The following PRSS3 variants were observed in gnomAD, a reference collection of about 807,000 sequenced individuals.
The protein encoded by PRSS3 is serine protease 3.
A neutral mutation model predicts 20.8 loss-of-function variants in PRSS3; 14 were observed. The observed-to-expected ratio is 0.67, with a 90% CI of 0.44 to 1.05. The LOEUF is 1.05. PRSS3 is among the 50% of genes least tolerant of loss of function. The probability of loss-of-function intolerance (pLI) is 0.00; values close to 1 mark genes in which losing one functional copy is unlikely to be tolerated. For missense variants in PRSS3, 237 were observed against 306.4 expected, an observed-to-expected ratio of 0.77 and a Z score of 1.69; for synonymous variants, 91 against 117.6, an observed-to-expected ratio of 0.77 and a Z score of 1.46.
At position 33,766,263 on chromosome 9, in the gene PRSS3, CAAAAAAAA is replaced by C. The variant is rs67834191; in HGVS notation, c.-53+15555_-53+15562del. On this transcript the variant is annotated intron_variant, in intron 1 of 5. Transcript: ENST00000342836. ...TGGGCAACAGAGCCAGATTCCGTCT[CAAAAAAAA>C]AAAAAAAAAAAAAAAAAAGGAGCCG... 1.2e-3 allele frequency among the ~76,000 whole-genome samples: 88 copies of C among 72,790 alleles called. 2 individuals are homozygous for C. Among genetic ancestry groups the C allele is most frequent in the Admixed American group, 4.7e-3 (27 of 5,700 alleles). 47.8% of individuals were successfully genotyped at this position (72,790 alleles called of 152,430 possible).
At chr9:33,757,164 G>A (rs1290577683) in intron 1 of PRSS3, among the ~76,000 whole-genome samples, 1 of 152,138 alleles carries the variant, frequency 6.6e-6, no homozygotes, top group Admixed American at 6.5e-5. Context: ...GATAGGTGGA[G>A]GTCTAGGATT....
At chr9:33,759,424 G>A (rs1324739891) in intron 1 of PRSS3, among the ~76,000 whole-genome samples, 1 of 152,120 alleles carries the variant, frequency 6.6e-6, no homozygotes, top group African/African-American at 2.4e-5. Flanking sequence ...AGGCACAGAA[G>A]GGAAAGAGAA....
At chr9:33,774,795 G>A (rs571137000) in intron 1 of PRSS3, among the ~76,000 whole-genome samples, 1 of 152,084 alleles carries the variant, frequency 6.6e-6, no homozygotes, top group South Asian at 2.1e-4. Flanking sequence ...AGATCAGCCT[G>A]ACCAACATGG....
chr9:33,794,870 C>T (rs1406807498), upstream of PRSS3: 4 of 1,550,732 alleles, frequency 2.6e-6, no homozygotes, highest in Admixed American at 2.0e-5. Flanking sequence ...TCCAGATGCA[C>T]TGAGTAAGCT....
intron 1 of PRSS3, among the ~76,000 whole-genome samples, chr9:33,796,368 C>G (rs1331220513): frequency 6.8e-6 from 1 of 146,910 alleles, no homozygotes; most frequent in Admixed American, 6.7e-5. Flanking sequence ...ACTGCTACCC[C>G]ACTGGAAGCA....
chr9:33,773,713 G>A (rs866153905), intron 1 of PRSS3, among the ~76,000 whole-genome samples: 2 of 152,194 alleles, frequency 1.3e-5, no homozygotes, highest in Admixed American at 6.5e-5. Flanking sequence ...GTGCGATCAC[G>A]GCTCACTGCA....
intron 1 of PRSS3, among the ~76,000 whole-genome samples, chr9:33,766,263 CAAAAAAAAAAAAAA>C (rs67834191): frequency 5.5e-5 from 4 of 72,798 alleles, no homozygotes; most frequent in Non-Finnish European, 9.3e-5. Context: ...GATTCCGTCT[CAAAAAAAAAAAAAA>C]AAAAAAAAAA....
At chr9:33,798,909 T>C (rs530327753) in intron 4 of PRSS3, 119 bp from the exon 5 acceptor site, 356 of 1,355,056 alleles carry the variant, frequency 2.6e-4, no homozygotes, top group Admixed American at 5.9e-4. Flanking sequence ...TGGGCCACCG[T>C]GGGAAGGACG....
At chr9:33,753,674 T>C (rs1335539391) in intron 1 of PRSS3, among the ~76,000 whole-genome samples, 1 of 152,248 alleles carries the variant, frequency 6.6e-6, no homozygotes, top group Non-Finnish European at 1.5e-5. Context: ...AACAGAGCTT[T>C]ACTTGTCTTA....
upstream of PRSS3, chr9:33,794,715 G>A: frequency 6.5e-7 from 1 of 1,530,088 alleles, no homozygotes; most frequent in Non-Finnish European, 8.8e-7. Context: ...GCCCTGAGCA[G>A]GTGAGTCAGT....
chr9:33,757,670 G>C (rs887333521), intron 1 of PRSS3, among the ~76,000 whole-genome samples: 1 of 152,070 alleles, frequency 6.6e-6, no homozygotes, highest in East Asian at 1.9e-4. Flanking sequence ...CTGACAGCAC[G>C]GGCCCAGGCT....
chr9:33,795,869 G>C (rs1396849450), intron 1 of PRSS3, among the ~76,000 whole-genome samples: 2 of 152,230 alleles, frequency 1.3e-5, no homozygotes, highest in South Asian at 2.1e-4. Context: ...GACCAGGTGG[G>C]GCTGGCCCAT....
chr9:33,794,269 TCTGCTCACTC>T (rs1267978510), upstream of PRSS3, among the ~76,000 whole-genome samples: 1 of 152,236 alleles, frequency 6.6e-6, no homozygotes, highest in African/African-American at 2.4e-5. Flanking sequence ...AAACTTGAAC[TCTGCTCACTC>T]CTGCCCATCA....
chr9:33,790,733 A>T (rs1824595676), upstream of PRSS3, among the ~76,000 whole-genome samples: 1 of 152,206 alleles, frequency 6.6e-6, no homozygotes, highest in Non-Finnish European at 1.5e-5. Context: ...TGTACTCACA[A>T]ATGCACTGAA....
chr9:33,780,153 T>G (rs1253439978), intron 1 of PRSS3, among the ~76,000 whole-genome samples: 1 of 151,938 alleles, frequency 6.6e-6, no homozygotes, highest in Non-Finnish European at 1.5e-5. Flanking sequence ...AAAAAAATTC[T>G]AAAGGCAGCT....
At chr9:33,798,232 A>G in intron 3 of PRSS3, 150 bp downstream of exon 3, 1 of 1,469,634 alleles carries the variant, frequency 6.8e-7, no homozygotes, top group Non-Finnish European at 9.2e-7. Context: ...CACCAGAGAG[A>G]TGCAAAGTCT....
chr9:33,781,132 G>A (rs1824166712), intron 1 of PRSS3, among the ~76,000 whole-genome samples: 1 of 152,182 alleles, frequency 6.6e-6, no homozygotes, highest in South Asian at 2.1e-4. Context: ...GCAGTTTGGA[G>A]ATTTCTCAAA....
chr9:33,768,960 G>A (rs1444493158), intron 1 of PRSS3, among the ~76,000 whole-genome samples: 1 of 152,192 alleles, frequency 6.6e-6, no homozygotes, highest in Non-Finnish European at 1.5e-5. Flanking sequence ...AATGTTAAAG[G>A]TACTTCTGGT....
At chr9:33,770,877 A>T (rs1374791643) in intron 1 of PRSS3, among the ~76,000 whole-genome samples, 1 of 152,238 alleles carries the variant, frequency 6.6e-6, no homozygotes, top group Admixed American at 6.5e-5. Flanking sequence ...AAAAGGACTC[A>T]GTGCTGATTC....
Sources: gnomAD v4.1 joint callset for allele counts (sites outside exome capture counted in the v4.1 genomes callset) on GRCh38, gnomAD v4.1.1 for gene constraint, MANE v1.5 for transcripts, NCBI Gene and HGNC (gene_info 2026-07-23, HGNC 2026-07-21) for gene names.